GLG1: variants seen among roughly 807,000 people sequenced by gnomAD.
GLG1 encodes the protein golgi glycoprotein 1.
GLG1 carries 38 observed loss-of-function variants against 160.5 expected under a neutral mutation model. The observed-to-expected ratio is 0.24, with a 90% CI of 0.18 to 0.31. The LOEUF is 0.31. GLG1 is among the 10% of genes least tolerant of loss of function. The pLI is 1.00. For missense variants in GLG1, 1,373 were observed against 1,505.2 expected (o/e 0.91, Z 1.45); for synonymous variants, 644 against 543.4 (o/e 1.19, Z -2.57).
chr16:74,536,249 A>T (rs1487591187), intron 1 of GLG1, among the ~76,000 whole-genome samples: 1 of 152,216 alleles, frequency 6.6e-6, no homozygotes, highest in Non-Finnish European at 1.5e-5. Flanking sequence ...AAGTGCAGAC[A>T]GGCTCACTTG....
At chr16:74,569,601 C>G (rs951095378) in intron 1 of GLG1, among the ~76,000 whole-genome samples, 7 of 152,246 alleles carry the variant, frequency 4.6e-5, no homozygotes, top group Admixed American at 2.6e-4. Flanking sequence ...GTGGCTCACA[C>G]TTGTAATCCC....
chr16:74,463,738 G>T (rs1394730266), intron 19 of GLG1: 83 of 399,644 alleles, frequency 2.1e-4, no homozygotes, highest in Non-Finnish European at 3.1e-4. Context: ...TTTTTTTGTT[G>T]TTGTTGTTGT....
chr16:74,577,836 C>T (rs545600344), intron 1 of GLG1, among the ~76,000 whole-genome samples: 21 of 151,958 alleles, frequency 1.4e-4, no homozygotes, highest in African/African-American at 5.1e-4. Flanking sequence ...GGGCTGATCT[C>T]AAATTCCTGA....
At chr16:74,561,101 G>C (rs1029155690) in intron 1 of GLG1, among the ~76,000 whole-genome samples, 26 of 152,156 alleles carry the variant, frequency 1.7e-4, no homozygotes, top group African/African-American at 6.0e-4. Flanking sequence ...GGATGGGGCA[G>C]GATCGGGGCC....
At chr16:74,495,555 T>C (rs1314987577) in intron 5 of GLG1, among the ~76,000 whole-genome samples, 1 of 152,214 alleles carries the variant, frequency 6.6e-6, no homozygotes, top group African/African-American at 2.4e-5. Flanking sequence ...GTTGTAAGGA[T>C]GGAGAGACCA....
chr16:74,567,227 G>C (rs1034167476), intron 1 of GLG1, among the ~76,000 whole-genome samples: 10 of 151,636 alleles, frequency 6.6e-5, no homozygotes, highest in Non-Finnish European at 1.2e-4. Flanking sequence ...GAGAGAGAGA[G>C]AGACAGACAG....
chr16:74,453,020 G>A lies in GLG1; in HGVS notation c.*147C>T. 7.1e-7 allele frequency: 1 copy of A among 1,401,914 alleles called. No homozygotes were observed. The highest frequency in any genetic ancestry group is 9.3e-7 in the Non-Finnish European group (1 of 1,075,992). The allele number at this position is 1,401,914 out of a possible 1,614,324, so 86.8% of individuals were successfully genotyped here. On this transcript the variant is annotated 3_prime_UTR_variant, in exon 26 of 26. Transcript: ENST00000422840. Reference sequence around the variant, plus strand: ...ACACCATGGACACGAGTGGAGGCTGGATGGGACAACGCAGTGGACATCTGC... The same window carrying A: ...ACACCATGGACACGAGTGGAGGCTGAATGGGACAACGCAGTGGACATCTGC...
intron 17 of GLG1, 61 bp from the exon 18 acceptor site, chr16:74,467,909 C>G: frequency 1.8e-6 from 2 of 1,099,318 alleles, no homozygotes; most frequent in Admixed American, 2.0e-5. Flanking sequence ...GTCATATGTT[C>G]TGGAGACTTA....
rs148604580 is a variant in GLG1 at position 74,477,384 on chromosome 16, G to A, written c.1965+12C>T. The A allele has an allele frequency of 6.9e-6, 11 of 1,599,496 alleles. No individual in the cohort carries two copies. Among genetic ancestry groups the A allele is most frequent in the African/African-American group, 1.3e-5 (1 of 74,630 alleles). On this transcript the variant is annotated intron_variant, in intron 12 of 25. Coordinates refer to ENST00000422840, the MANE Select transcript of GLG1 (RefSeq NM_001145667.2). The stretch of plus-strand genomic sequence containing the variant: ...CATTATTGTAAGACAAACAGAAAGC[G>A]ATGTCACCTACCTGTCCAGTCTCTG...
At chr16:74,598,361 A>G (rs1958354666) in intron 1 of GLG1, among the ~76,000 whole-genome samples, 1 of 151,760 alleles carries the variant, frequency 6.6e-6, no homozygotes, top group Admixed American at 6.6e-5. Context: ...CTCTACTAAA[A>G]ATACAAAAAA....
intron 1 of GLG1, among the ~76,000 whole-genome samples, chr16:74,558,199 C>A (rs2018404651): frequency 2.0e-5 from 3 of 152,158 alleles, no homozygotes; most frequent in Admixed American, 2.0e-4. Flanking sequence ...TTTTGAGCTA[C>A]TGAGTGAAGG....
At chr16:74,530,723 G>A (rs1484843323) in intron 2 of GLG1, among the ~76,000 whole-genome samples, 2 of 151,314 alleles carry the variant, frequency 1.3e-5, no homozygotes, top group South Asian at 2.1e-4. Context: ...CTGCTACCTC[G>A]AACTCCTGGC....
chr16:74,565,661 T>G (rs2018635002), intron 1 of GLG1, among the ~76,000 whole-genome samples: 1 of 152,220 alleles, frequency 6.6e-6, no homozygotes, highest in Non-Finnish European at 1.5e-5. Flanking sequence ...TTTCTGTCCA[T>G]AAATCCTCTC....
intron 1 of GLG1, among the ~76,000 whole-genome samples, chr16:74,542,669 T>A (rs1298060000): frequency 4.4e-5 from 5 of 113,118 alleles, no homozygotes; most frequent in African/African-American, 1.8e-4. Context: ...CGAAACTCTG[T>A]CAAAAAAAAA....
Position 74,457,986 on chromosome 16 carries a change from T to C in GLG1, c.3153A>G (p.Leu1051=). 2.5e-6 allele frequency: 4 copies of C among 1,613,856 alleles called. No individual in the cohort carries two copies. Among genetic ancestry groups the C allele is most frequent in the Non-Finnish European group, 3.4e-6 (4 of 1,179,760 alleles). Reference sequence around the variant, plus strand: ...CTGCTTTGCTTTCCTTCAGCATGTTTAGCACTTCCTGGAAAGGGAGGGTCA... The same window carrying C: ...CTGCTTTGCTTTCCTTCAGCATGTTCAGCACTTCCTGGAAAGGGAGGGTCA... ...IKTELCKKEV[L]NMLKESKADI... Residue 1051 remains leucine (L), a synonymous_variant, in exon 24 of 26, where the codon CTA becomes CTG. Coordinates refer to ENST00000422840, the MANE Select transcript of GLG1 (RefSeq NM_001145667.2).
At position 74,500,662 on chromosome 16, in the gene GLG1, T is replaced by C. The variant is rs144818143; in HGVS notation, c.774+2869A>G. Reference sequence around the variant, plus strand: ...AAATTAACTGGTTAAAAGCAGGAAATAATAAATGAAATAATAAATAATAAA... The same window carrying C: ...AAATTAACTGGTTAAAAGCAGGAAACAATAAATGAAATAATAAATAATAAA... On this transcript the variant is annotated intron_variant, in intron 4 of 25. Transcript: ENST00000422840. Among the ~76,000 whole-genome samples the C allele has an allele frequency of 3.2e-4, 49 of 151,990 alleles. No individual in the cohort carries two copies. In the East Asian group the frequency reaches 9.1e-3, roughly 28 times the overall value.
chr16:74,491,852 C>T (rs931807638), intron 7 of GLG1, among the ~76,000 whole-genome samples: 1 of 151,434 alleles, frequency 6.6e-6, no homozygotes, highest in East Asian at 2.0e-4. Flanking sequence ...TGGTCTCGAT[C>T]TCCTGACCTC....
chr16:74,524,601 A>T (rs545310339), intron 2 of GLG1, among the ~76,000 whole-genome samples: 1 of 152,028 alleles, frequency 6.6e-6, no homozygotes, highest in Non-Finnish European at 1.5e-5. Context: ...ATGACATGAT[A>T]TGATGTCTCG....
intron 3 of GLG1, among the ~76,000 whole-genome samples, chr16:74,506,402 C>A (rs1405297029): frequency 6.6e-6 from 1 of 150,922 alleles, no homozygotes; most frequent in Non-Finnish European, 1.5e-5. Flanking sequence ...CACAGTGAAA[C>A]CCCATCTCTA....
Sources: gnomAD v4.1 joint callset for allele counts (sites outside exome capture counted in the v4.1 genomes callset) on GRCh38, gnomAD v4.1.1 for gene constraint, MANE v1.5 for transcripts, NCBI Gene and HGNC (gene_info 2026-07-23, HGNC 2026-07-21) for gene names.